The following FGF12 variants were observed in gnomAD, a reference collection of about 807,000 sequenced individuals.
FGF12 encodes fibroblast growth factor 12B.
FGF12 carries 14 observed loss-of-function variants against 23.6 expected under a neutral mutation model. The ratio of observed to expected loss-of-function variants is 0.59; its 90% CI spans 0.39 to 0.93. The LOEUF (loss-of-function observed/expected upper bound fraction) is 0.93. FGF12 is among the 40% of genes least tolerant of loss of function. FGF12 has a pLI of 0.00. For synonymous variants in FGF12, 62 were observed against 77.3 expected, an observed-to-expected ratio of 0.80 and a Z score of 1.04; for missense variants, 175 against 217.8, an observed-to-expected ratio of 0.80 and a Z score of 1.24.
rs548348457 is a variant in FGF12 at position 192,332,365 on chromosome 3, T to TA, written c.228+2995dup. On this transcript the variant is annotated intron_variant, in intron 4 of 5. Coordinates refer to ENST00000445105, the MANE Select transcript of FGF12 (RefSeq NM_004113.6). The stretch of plus-strand genomic sequence containing the variant: ...AAACTTGCAGAAGAATTTAATAAAA[T>TA]AAAAAAATGTGAATAAAGCAACAGA... Among the ~76,000 whole-genome samples the TA allele has an allele frequency of 2.6e-3, 385 of 150,604 alleles. 2 individuals carry two copies. The highest frequency in any genetic ancestry group is 8.9e-3 in the African/African-American group (367 of 41,038).
intron 2 of FGF12, among the ~76,000 whole-genome samples, chr3:192,718,988 T>TA (rs540587523): frequency 0.021 from 2,975 of 142,210 alleles, 94 homozygotes; most frequent in African/African-American, 0.067. Context: ...CAAACCGAGT[T>TA]AAAAAAAAAA....
chr3:192,206,352 TAA>T (rs1260250021), intron 4 of FGF12, among the ~76,000 whole-genome samples: 1 of 152,200 alleles, frequency 6.6e-6, no homozygotes, highest in African/African-American at 2.4e-5. Flanking sequence ...GATATGAGAT[TAA>T]AGTTTTTTGC....
rs538708170 is a variant in FGF12, at chr3:192,280,533, G to A, written c.228+54828C>T. ...GCCTCTTCAAAGCAAATCTCAAGTC[G>A]CTGAGCAGAAATTTTTATAGTATCT... On this transcript the variant is annotated intron_variant, in intron 4 of 5. Coordinates refer to ENST00000445105, the MANE Select transcript of FGF12 (RefSeq NM_004113.6). Among the ~76,000 whole-genome samples the A allele has an allele frequency of 4.6e-4, 70 of 152,130 alleles. No individual in the cohort carries two copies. The East Asian group carries it at 6.6e-3, about 14-fold the overall frequency.
intron 2 of FGF12, among the ~76,000 whole-genome samples, chr3:192,477,281 C>T (rs1026000913): frequency 3.7e-4 from 56 of 152,148 alleles, no homozygotes; most frequent in African/African-American, 1.3e-3. Context: ...ACTGGACAAA[C>T]CCAACAAGCA....
intron 4 of FGF12, among the ~76,000 whole-genome samples, chr3:192,301,997 A>T (rs1206456377): frequency 6.6e-6 from 1 of 152,216 alleles, no homozygotes; most frequent in Non-Finnish European, 1.5e-5. Flanking sequence ...GATGAAGAGA[A>T]TAAGAGAAAC....
At chr3:192,604,497 C>T (rs766128655) in intron 2 of FGF12, among the ~76,000 whole-genome samples, 3 of 152,148 alleles carry the variant, frequency 2.0e-5, no homozygotes, top group Non-Finnish European at 4.4e-5. Context: ...TGCATCCAAT[C>T]AAGGAACTGA....
chr3:192,549,435 A>G (rs1725574933), intron 2 of FGF12, among the ~76,000 whole-genome samples: 1 of 152,214 alleles, frequency 6.6e-6, no homozygotes, highest in South Asian at 2.1e-4. Context: ...TCATGACAGA[A>G]TAATGATTAT....
chr3:192,547,648 C>G (rs1167998207), intron 2 of FGF12, among the ~76,000 whole-genome samples: 1 of 152,166 alleles, frequency 6.6e-6, no homozygotes, highest in Non-Finnish European at 1.5e-5. Context: ...AAACAGTTTG[C>G]TGAATTCACA....
At chr3:192,492,041 C>T (rs1723816759) in intron 2 of FGF12, among the ~76,000 whole-genome samples, 7 of 152,130 alleles carry the variant, frequency 4.6e-5, no homozygotes, top group Admixed American at 4.6e-4. Context: ...ATTCATACTA[C>T]AGACTTAAAT....
At chr3:192,564,897 C>A (rs1222348361) in intron 2 of FGF12, among the ~76,000 whole-genome samples, 1 of 152,208 alleles carries the variant, frequency 6.6e-6, no homozygotes, top group Admixed American at 6.5e-5. Flanking sequence ...TGGTTCTAAT[C>A]TACTCTCCAT....
At chr3:192,459,634 T>C (rs1213949384) in intron 2 of FGF12, among the ~76,000 whole-genome samples, 1 of 152,204 alleles carries the variant, frequency 6.6e-6, no homozygotes, top group African/African-American at 2.4e-5. Context: ...GCACATTGCA[T>C]ACATTGATTC....
chr3:192,659,141 C>T (rs1716558220), intron 2 of FGF12, among the ~76,000 whole-genome samples: 1 of 152,136 alleles, frequency 6.6e-6, no homozygotes, highest in Admixed American at 6.5e-5. Flanking sequence ...ATCATCTATT[C>T]TAAAATGATC....
At chr3:192,322,993 G>C (rs1454407008) in intron 4 of FGF12, among the ~76,000 whole-genome samples, 1 of 152,156 alleles carries the variant, frequency 6.6e-6, no homozygotes, top group Admixed American at 6.5e-5. Flanking sequence ...TTGATCATCA[G>C]AGAAATGCAA....
chr3:192,472,178 G>A (rs535945130), intron 2 of FGF12, among the ~76,000 whole-genome samples: 61 of 152,016 alleles, frequency 4.0e-4, no homozygotes, highest in African/African-American at 1.4e-3. Flanking sequence ...CACCACGCCC[G>A]GCTAATTTTA....
At chr3:192,522,976 G>A (rs1403015316) in intron 2 of FGF12, among the ~76,000 whole-genome samples, 2 of 152,040 alleles carry the variant, frequency 1.3e-5, no homozygotes, top group Non-Finnish European at 2.9e-5. Context: ...CAACAGAGAG[G>A]GAGACCTACT....
intron 2 of FGF12, among the ~76,000 whole-genome samples, chr3:192,428,291 G>A (rs1263259566): frequency 6.6e-6 from 1 of 152,130 alleles, no homozygotes; most frequent in Non-Finnish European, 1.5e-5. Flanking sequence ...CCTCCTTTTA[G>A]AAACAGTCAG....
Position 192,380,011 on chromosome 3 carries a change from A to G in FGF12, c.14-19473T>C, listed in dbSNP as rs74438704. Among the ~76,000 whole-genome samples the G allele has an allele frequency of 3.8e-3, 580 of 152,340 alleles. 2 individuals carry two copies. Among genetic ancestry groups the G allele is most frequent in the African/African-American group, 0.014 (571 of 41,586 alleles). On this transcript the variant is annotated intron_variant, in intron 2 of 5. Transcript: ENST00000445105. ...ACACATTCAAACACCACAGCGTTAC[A>G]TAACACACTTTTTATAGCTCACTGC...
At chr3:192,532,296 G>A (rs1725107708) in intron 2 of FGF12, among the ~76,000 whole-genome samples, 1 of 152,042 alleles carries the variant, frequency 6.6e-6, no homozygotes. Flanking sequence ...GAATGCTGAT[G>A]ACCTTTCGAT....
At chr3:192,266,043 C>G (rs2108622584) in intron 4 of FGF12, among the ~76,000 whole-genome samples, 1 of 152,212 alleles carries the variant, frequency 6.6e-6, no homozygotes, top group Non-Finnish European at 1.5e-5. Context: ...TAATGTTTCC[C>G]TTAAGTTGGA....
Sources: gnomAD v4.1 joint callset for allele counts (sites outside exome capture counted in the v4.1 genomes callset) on GRCh38, gnomAD v4.1.1 for gene constraint, MANE v1.5 for transcripts, NCBI Gene and HGNC (gene_info 2026-07-23, HGNC 2026-07-21) for gene names.